The following LYSMD2 variants were observed in gnomAD, a reference collection of about 807,000 sequenced individuals.
LYSMD2 encodes the protein LysM domain containing 2.
LYSMD2 carries 6 observed loss-of-function variants against 17.7 expected under a neutral mutation model. The ratio of observed to expected loss-of-function variants is 0.34; its 90% CI spans 0.19 to 0.67. LYSMD2 has a LOEUF of 0.67. Among genes scored for constraint, LYSMD2 ranks in the 30% least tolerant of loss-of-function variants. LYSMD2 has a pLI of 0.69. For synonymous variants in LYSMD2, 102 were observed against 129.8 expected (o/e 0.79, Z 1.45); for missense variants, 237 against 286.7 (o/e 0.83, Z 1.25).
chr15:51,739,339 T>TA (rs796188152), upstream of LYSMD2, among the ~76,000 whole-genome samples: 3,213 of 146,960 alleles, frequency 0.022, 122 homozygotes, highest in African/African-American at 0.075. Context: ...CTCAGTGGAA[T>TA]AAAAAAAAAA....
In LYSMD2 at chr15:51,737,262, T is replaced by TGCCCCCCCCC; in HGVS notation, c.273+87_273+88insGGGGGGGGGC. 4 of 134,040 alleles carry TGCCCCCCCCC rather than the reference T, an allele frequency of 3.0e-5. No homozygotes were observed. The highest frequency in any genetic ancestry group is 1.9e-4 in the East Asian group (1 of 5,308). The allele number at this position is 134,040 out of a possible 1,614,324, so 8.3% of individuals were successfully genotyped here. On this transcript the variant is annotated intron_variant, in intron 1 of 2. Transcript: ENST00000267838. The surrounding 1 kb of genome is among the most constrained non-coding windows in gnomAD (Gnocchi z 4.2). ...CCATCCCCCAAACCCCCACCCGCAG[T>TGCCCCCCCCC]CCCACCCCCACCCCCACCGCACCCC...
rs1360122091 is a variant in LYSMD2, at chr15:51,723,546, G to T, written c.*61C>A. 8 of 1,334,686 alleles carry T rather than the reference G, an allele frequency of 6.0e-6. No individual in the cohort carries two copies. The highest frequency in any genetic ancestry group is 8.6e-6 in the Non-Finnish European group (8 of 927,242). 82.7% of individuals were successfully genotyped at this position (1,334,686 alleles called of 1,614,324 possible). On this transcript the variant is annotated 3_prime_UTR_variant, in exon 3 of 3. Coordinates refer to ENST00000267838, the MANE Select transcript of LYSMD2 (RefSeq NM_153374.3). ...AAGGGATGTTTTTGAATCTTCAGTT[G>T]TTGGATTCTTTATGGTCCAAACATA...
At chr15:51,731,114 G>C (rs1323296654) in intron 1 of LYSMD2, among the ~76,000 whole-genome samples, 1 of 152,218 alleles carries the variant, frequency 6.6e-6, no homozygotes, top group Non-Finnish European at 1.5e-5. Flanking sequence ...TGGGCATGGG[G>C]ATCTTTTCGG....
At chr15:51,740,359 A>G (rs73405388), upstream of LYSMD2, among the ~76,000 whole-genome samples, 11,058 of 152,298 alleles carry the variant, frequency 0.073, 498 homozygotes, top group East Asian at 0.17. Context: ...GAACTTCAAA[A>G]TTGTTTTAAT....
At chr15:51,732,507 A>G (rs2055582961) in intron 1 of LYSMD2, among the ~76,000 whole-genome samples, 2 of 152,186 alleles carry the variant, frequency 1.3e-5, no homozygotes, top group African/African-American at 4.8e-5. Flanking sequence ...AACCAGACTC[A>G]ATAGAAGTTG....
At chr15:51,739,005 A>G (rs2055630142), upstream of LYSMD2, among the ~76,000 whole-genome samples, 1 of 152,104 alleles carries the variant, frequency 6.6e-6, no homozygotes, top group African/African-American at 2.4e-5. Flanking sequence ...CTTGCATGTT[A>G]TTCCCTCCAA....
chr15:51,735,248 T>G (rs1408178902), intron 1 of LYSMD2, among the ~76,000 whole-genome samples: 1 of 152,210 alleles, frequency 6.6e-6, no homozygotes, highest in African/African-American at 2.4e-5. Context: ...TCACTTTCAC[T>G]GATTCTATAT....
At chr15:51,744,219 A>G (rs1404604152) in intron 1 of LYSMD2, among the ~76,000 whole-genome samples, 5 of 152,184 alleles carry the variant, frequency 3.3e-5, no homozygotes, top group Admixed American at 6.5e-5. Context: ...CTTGTTTCCA[A>G]TCTTGGGGGA....
intron 1 of LYSMD2, among the ~76,000 whole-genome samples, chr15:51,734,139 G>A (rs549789331): frequency 2.6e-5 from 4 of 152,192 alleles, no homozygotes; most frequent in Non-Finnish European, 4.4e-5. Flanking sequence ...GCCAAGATCA[G>A]GCCACTGCAC....
At chr15:51,737,670 GCCTCCTCCT>G (rs1246279815), upstream of LYSMD2, 1 of 1,188,490 alleles carries the variant, frequency 8.4e-7, no homozygotes, top group African/African-American at 1.6e-5. This position sits in a 1 kb window ranked among gnomAD's most constrained non-coding sequence, Gnocchi z 4.2. Flanking sequence ...AGGGGGCGGC[GCCTCCTCCT>G]CCTCCGCCGC....
At chr15:51,748,305 C>G (rs934858534) in intron 1 of LYSMD2, among the ~76,000 whole-genome samples, 2 of 108,018 alleles carry the variant, frequency 1.9e-5, no homozygotes, top group Admixed American at 2.0e-4. Context: ...GAAAATGAGG[C>G]TTAAGGGAGG....
rs2141598960 is a variant in LYSMD2, at chr15:51,737,056, C to G, written c.273+294G>C. Among the ~76,000 whole-genome samples the G allele has an allele frequency of 6.6e-6, 1 of 152,344 alleles. No homozygotes were observed. Among genetic ancestry groups the G allele is most frequent in the East Asian group, 1.9e-4 (1 of 5,178 alleles). On this transcript the variant is annotated intron_variant, in intron 1 of 2. Coordinates refer to ENST00000267838, the MANE Select transcript of LYSMD2 (RefSeq NM_153374.3). The surrounding 1 kb of genome is among the most constrained non-coding windows in gnomAD (Gnocchi z 4.2). ...CTTCGGCCTCCCTCACGCGACAGAT[C>G]TAGTCTGAGCCTGGGCGGGGCACCG...
chr15:51,737,861 C>G (rs1405268867), upstream of LYSMD2: 1 of 289,152 alleles, frequency 3.5e-6, no homozygotes, highest in Non-Finnish European at 6.4e-6. The surrounding 1 kb of genome is among the most constrained non-coding windows in gnomAD (Gnocchi z 4.2). Flanking sequence ...AGAGCGAAAG[C>G]AGCTCCCGCC....
chr15:51,729,212 C>A (rs1017519526), intron 1 of LYSMD2, among the ~76,000 whole-genome samples: 2 of 152,172 alleles, frequency 1.3e-5, no homozygotes, highest in Admixed American at 6.5e-5. Flanking sequence ...AATAAGCAAA[C>A]TTCCAACCAG....
In LYSMD2 at chr15:51,737,320, G is replaced by C; in HGVS notation, c.273+30C>G. On this transcript the variant is annotated intron_variant, in intron 1 of 2. Transcript: ENST00000267838. This position sits in a 1 kb window ranked among gnomAD's most constrained non-coding sequence, Gnocchi z 4.2. The stretch of plus-strand genomic sequence containing the variant: ...ACCGCCTCCTGCGCGGTAGCTGCCA[G>C]CCCGGGCCGCGGCGGCGCGCCCTGC... 1 of 1,153,820 alleles carries C rather than the reference G, an allele frequency of 8.7e-7. No homozygotes were observed. The highest frequency in any genetic ancestry group is 1.1e-6 in the Non-Finnish European group (1 of 928,884). 71.5% of individuals were successfully genotyped at this position (1,153,820 alleles called of 1,614,324 possible).
intron 1 of LYSMD2, among the ~76,000 whole-genome samples, 197 bp from the exon 2 acceptor site, chr15:51,725,318 C>G (rs988365898): frequency 6.6e-6 from 1 of 152,148 alleles, no homozygotes; most frequent in Non-Finnish European, 1.5e-5. Flanking sequence ...AATTGTTTCC[C>G]AATTTTTAAA....
At chr15:51,739,195 G>C (rs1307852328), upstream of LYSMD2, among the ~76,000 whole-genome samples, 3 of 152,124 alleles carry the variant, frequency 2.0e-5, no homozygotes, top group South Asian at 4.1e-4. Context: ...CTCTGGTTTA[G>C]TATTTAACTC....
chr15:51,728,155 C>T (rs557821173), intron 1 of LYSMD2, among the ~76,000 whole-genome samples: 9 of 152,216 alleles, frequency 5.9e-5, no homozygotes, highest in African/African-American at 2.2e-4. Flanking sequence ...ATGGGCTGGG[C>T]GCAGTGGCTC....
chr15:51,741,515 A>G (rs1457309907), upstream of LYSMD2, among the ~76,000 whole-genome samples: 8 of 152,246 alleles, frequency 5.3e-5, no homozygotes, highest in Non-Finnish European at 2.9e-5. Flanking sequence ...TGTATAATTC[A>G]ATGCTTTTCT....
Sources: gnomAD v4.1 joint callset for allele counts (sites outside exome capture counted in the v4.1 genomes callset) on GRCh38, gnomAD v4.1.1 for gene constraint, Gnocchi (gnomAD v3.1) non-coding constraint, MANE v1.5 for transcripts, NCBI Gene and HGNC (gene_info 2026-07-23, HGNC 2026-07-21) for gene names.